The following KCNQ3 variants were observed in gnomAD, a reference collection of about 807,000 sequenced individuals.
The protein encoded by KCNQ3 is potassium voltage-gated channel subfamily Q member 3, also known as potassium voltage-gated channel subfamily KQT member 3.
KCNQ3 carries 30 observed loss-of-function variants against 92.5 expected under a neutral mutation model. The ratio of observed to expected loss-of-function variants is 0.32; its 90% CI spans 0.24 to 0.44. The LOEUF is 0.44. Among genes scored for constraint, KCNQ3 ranks in the 20% least tolerant of loss-of-function variants. KCNQ3 has a pLI of 1.00. For missense variants in KCNQ3, 913 were observed against 1,140.3 expected (o/e 0.80, Z 2.87); for synonymous variants, 450 against 468.8 (o/e 0.96, Z 0.52).
chr8:132,192,680 C>T (rs937741173), intron 1 of KCNQ3, among the ~76,000 whole-genome samples: 1 of 152,096 alleles, frequency 6.6e-6, no homozygotes, highest in Non-Finnish European at 1.5e-5. Context: ...GACGGAATCT[C>T]GCTCTGTCAC....
intron 1 of KCNQ3, among the ~76,000 whole-genome samples, chr8:132,297,226 T>G (rs990644959): frequency 1.3e-5 from 2 of 152,120 alleles, no homozygotes; most frequent in African/African-American, 4.8e-5. Context: ...TCACCCACTT[T>G]TTGATGGGGT....
chr8:132,444,337 T>G (rs1821618458), intron 1 of KCNQ3, among the ~76,000 whole-genome samples: 2 of 152,344 alleles, frequency 1.3e-5, no homozygotes, highest in South Asian at 2.1e-4. Flanking sequence ...CTTTGAGTTC[T>G]GATTCTGTGC....
intron 4 of KCNQ3, among the ~76,000 whole-genome samples, chr8:132,178,700 A>G (rs984588098): frequency 1.3e-5 from 2 of 151,822 alleles, no homozygotes; most frequent in Non-Finnish European, 2.9e-5. Flanking sequence ...TACCCCTTCA[A>G]CGTATCTAGG....
chr8:132,350,228 A>AC (rs112053560), intron 1 of KCNQ3, among the ~76,000 whole-genome samples: 11 of 152,118 alleles, frequency 7.2e-5, no homozygotes, highest in African/African-American at 2.7e-4. Flanking sequence ...AGACCCAATC[A>AC]CCCCATTGCA....
intron 1 of KCNQ3, among the ~76,000 whole-genome samples, chr8:132,322,975 C>T (rs1016600459): frequency 1.3e-5 from 2 of 152,114 alleles, no homozygotes; most frequent in African/African-American, 4.8e-5. Flanking sequence ...GCAGTTTGGG[C>T]CCTTTGTTTC....
chr8:132,291,285 T>G (rs1486857105), intron 1 of KCNQ3, among the ~76,000 whole-genome samples: 1 of 152,196 alleles, frequency 6.6e-6, no homozygotes, highest in Non-Finnish European at 1.5e-5. Context: ...ACTTTCCCTT[T>G]TGGATACTGA....
At chr8:132,333,907 T>C (rs1818297131) in intron 1 of KCNQ3, among the ~76,000 whole-genome samples, 1 of 152,004 alleles carries the variant, frequency 6.6e-6, no homozygotes, top group African/African-American at 2.4e-5. Context: ...CTAATTTCTG[T>C]ACTTTAGTAG....
At chr8:132,266,684 C>T (rs931123340) in intron 1 of KCNQ3, among the ~76,000 whole-genome samples, 3 of 152,192 alleles carry the variant, frequency 2.0e-5, no homozygotes, top group Non-Finnish European at 2.9e-5. Flanking sequence ...GGAGCTGCAT[C>T]ACGATCTCTG....
chr8:132,438,265 CCT>C (rs1358628709), intron 1 of KCNQ3, among the ~76,000 whole-genome samples: 13 of 152,306 alleles, frequency 8.5e-5, no homozygotes, highest in African/African-American at 2.4e-4. Context: ...TCTTTCAGGT[CCT>C]CAGATACACT....
chr8:132,364,690 C>CGGATGGATGGAT (rs879016668), intron 1 of KCNQ3, among the ~76,000 whole-genome samples: 15,781 of 147,242 alleles, frequency 0.11, 968 homozygotes, highest in African/African-American at 0.16. Context: ...GACGGACGGA[C>CGGATGGATGGAT]GGACGGATGG....
chr8:132,305,528 A>G (rs919086471), intron 1 of KCNQ3, among the ~76,000 whole-genome samples: 5 of 152,160 alleles, frequency 3.3e-5, no homozygotes, highest in African/African-American at 1.2e-4. Context: ...AATCCAGCTT[A>G]GTAAGATAAC....
intron 1 of KCNQ3, among the ~76,000 whole-genome samples, chr8:132,279,279 C>A (rs905133897): frequency 1.3e-5 from 2 of 152,138 alleles, no homozygotes; most frequent in Admixed American, 1.3e-4. Context: ...AATATTTGAT[C>A]TAGGGTGTGA....
At chr8:132,276,640 C>T (rs1175182178) in intron 1 of KCNQ3, among the ~76,000 whole-genome samples, 6 of 152,190 alleles carry the variant, frequency 3.9e-5, no homozygotes, top group Admixed American at 1.3e-4. Flanking sequence ...TTTTATCCTA[C>T]TCTGTTCTGC....
intron 1 of KCNQ3, among the ~76,000 whole-genome samples, chr8:132,276,659 C>T (rs1816341052): frequency 6.6e-6 from 1 of 152,180 alleles, no homozygotes; most frequent in Non-Finnish European, 1.5e-5. Context: ...GCGGCTGCAC[C>T]TGCATTGTTT....
chr8:132,217,389 A>G (rs536761381), intron 1 of KCNQ3, among the ~76,000 whole-genome samples: 1 of 152,234 alleles, frequency 6.6e-6, no homozygotes, highest in South Asian at 2.1e-4. Flanking sequence ...TGGAATCTCT[A>G]CCTCATTGAG....
At chr8:132,196,372 C>A (rs1312986956) in intron 1 of KCNQ3, among the ~76,000 whole-genome samples, 2 of 152,196 alleles carry the variant, frequency 1.3e-5, no homozygotes, top group African/African-American at 4.8e-5. Flanking sequence ...TTTGTGCATT[C>A]CCATAGGATT....
chr8:132,157,799 G>C (rs1275353232), intron 9 of KCNQ3, among the ~76,000 whole-genome samples: 1 of 151,908 alleles, frequency 6.6e-6, no homozygotes. Context: ...ACATACATTA[G>C]GTATTTGCCC....
intron 1 of KCNQ3, among the ~76,000 whole-genome samples, chr8:132,256,051 T>C (rs1415813900): frequency 6.6e-6 from 1 of 152,148 alleles, no homozygotes; most frequent in Non-Finnish European, 1.5e-5. Flanking sequence ...ATGTAGAACT[T>C]TCTAGACATA....
chr8:132,270,053 C>T (rs187907655), intron 1 of KCNQ3, among the ~76,000 whole-genome samples: 72 of 151,994 alleles, frequency 4.7e-4, no homozygotes, highest in Admixed American at 2.2e-3. Context: ...TCTGTGGGAA[C>T]GGCTTTCTCT....
Sources: gnomAD v4.1 joint callset for allele counts (sites outside exome capture counted in the v4.1 genomes callset) on GRCh38, gnomAD v4.1.1 for gene constraint, MANE v1.5 for transcripts, NCBI Gene and HGNC (gene_info 2026-07-23, HGNC 2026-07-21) for gene names.